Variants in SUPT3H observed in about 807,000 individuals in gnomAD.
The protein encoded by SUPT3H is SPT3 homolog, SAGA and STAGA complex component.
Under a neutral mutation model 44.3 loss-of-function variants are expected in SUPT3H, and 44 were observed. That is an observed-to-expected ratio of 0.99 (90% CI 0.78 to 1.28). The LOEUF (loss-of-function observed/expected upper bound fraction) is 1.28, where lower values mean the gene tolerates loss of function less well. Ranked by LOEUF, SUPT3H falls within the 50% of genes most tolerant of loss-of-function variation. The probability of loss-of-function intolerance (pLI) is 0.00; values close to 1 mark genes in which losing one functional copy is unlikely to be tolerated. For missense variants in SUPT3H, 380 were observed against 387.1 expected (o/e 0.98, Z 0.15); for synonymous variants, 124 against 125.6 (o/e 0.99, Z 0.09).
intron 2 of SUPT3H, among the ~76,000 whole-genome samples, chr6:45,315,341 GACAAC>G (rs1784522381): frequency 6.6e-6 from 1 of 152,054 alleles, no homozygotes; most frequent in African/African-American, 2.4e-5. Flanking sequence ...AAAGTAAACT[GACAAC>G]CCACAGAGTT....
chr6:45,058,702 G>C (rs1028795290), intron 3 of SUPT3H, among the ~76,000 whole-genome samples: 39 of 151,944 alleles, frequency 2.6e-4, no homozygotes, highest in African/African-American at 9.4e-4. Flanking sequence ...CCCTTTCCAG[G>C]TTCATTATGA....
chr6:44,946,981 C>T (rs558169505), intron 9 of SUPT3H, among the ~76,000 whole-genome samples: 16 of 152,280 alleles, frequency 1.1e-4, no homozygotes, highest in African/African-American at 2.9e-4. Flanking sequence ...CCCCAACCTT[C>T]GGCAACCACC....
At chr6:44,810,980 T>C (rs1295090317) in intron 11 of SUPT3H, among the ~76,000 whole-genome samples, 2 of 152,180 alleles carry the variant, frequency 1.3e-5, no homozygotes, top group Non-Finnish European at 2.9e-5. Flanking sequence ...AGTTCCCATA[T>C]ACCCAACACC....
At chr6:45,010,107 G>A (rs1422265467) in intron 5 of SUPT3H, among the ~76,000 whole-genome samples, 1 of 151,880 alleles carries the variant, frequency 6.6e-6, no homozygotes, top group African/African-American at 2.4e-5. Context: ...ATTGTAAATG[G>A]CATTGTTTTC....
intron 11 of SUPT3H, among the ~76,000 whole-genome samples, chr6:44,817,127 T>C (rs555114250): frequency 7.4e-5 from 8 of 108,188 alleles, no homozygotes; most frequent in Non-Finnish European, 1.3e-4. Context: ...CACACACACA[T>C]GCCCACACAC....
At chr6:45,204,264 A>AGAAGAAGGGGGAGGAGGAGGGGGAG (rs1562683367) in intron 2 of SUPT3H, among the ~76,000 whole-genome samples, 1 of 151,266 alleles carries the variant, frequency 6.6e-6, no homozygotes, top group African/African-American at 2.5e-5. Flanking sequence ...AAGAAGAAGA[A>AGAAGAAGGGGGAGGAGGAGGGGGAG]GAAGAAGAAG....
intron 3 of SUPT3H, among the ~76,000 whole-genome samples, chr6:45,071,707 C>CA (rs1402028699): frequency 2.0e-5 from 3 of 152,132 alleles, no homozygotes; most frequent in Non-Finnish European, 4.4e-5. Context: ...TGAGCCCTGA[C>CA]AAGCCATCTT....
chr6:45,299,757 A>C (rs1781853799), intron 2 of SUPT3H, among the ~76,000 whole-genome samples: 1 of 152,026 alleles, frequency 6.6e-6, no homozygotes, highest in Admixed American at 6.5e-5. Context: ...TCTGCCAAAA[A>C]AAAAAAAAAA....
At chr6:44,906,999 C>T (rs538018159) in intron 10 of SUPT3H, among the ~76,000 whole-genome samples, 6 of 152,168 alleles carry the variant, frequency 3.9e-5, no homozygotes, top group Non-Finnish European at 5.9e-5. Flanking sequence ...AAGTGATTAA[C>T]GTCATTGTTT....
At chr6:44,924,413 G>A (rs1257237689) in intron 10 of SUPT3H, among the ~76,000 whole-genome samples, 1 of 152,084 alleles carries the variant, frequency 6.6e-6, no homozygotes, top group East Asian at 1.9e-4. Flanking sequence ...TTTTAAGAGT[G>A]GATCTTCCTT....
intron 10 of SUPT3H, among the ~76,000 whole-genome samples, chr6:44,893,488 T>C: frequency 6.6e-6 from 1 of 152,204 alleles, no homozygotes; most frequent in East Asian, 1.9e-4. Context: ...TTTTTGTTCT[T>C]GCAATAGTTT....
At chr6:44,923,108 T>C (rs1452568594) in intron 10 of SUPT3H, among the ~76,000 whole-genome samples, 2 of 152,092 alleles carry the variant, frequency 1.3e-5, no homozygotes, top group Non-Finnish European at 2.9e-5. Flanking sequence ...CCCCTTTCCT[T>C]GCACTCATGA....
rs763609780 is a variant in SUPT3H at position 45,003,799 on chromosome 6, G to C, written c.365-7C>G. 16 of 1,612,710 alleles carry C rather than the reference G, an allele frequency of 9.9e-6. No homozygotes were observed. The highest frequency in any genetic ancestry group is 1.2e-5 in the Non-Finnish European group (14 of 1,179,558). On this transcript the variant is annotated splice_region_variant and splice_polypyrimidine_tract_variant and intron_variant, in intron 5 of 10. Transcript: ENST00000371459. ...TTGCTGCCACTCAATTTGTCTTCATGAAGTCAAGGGAAAGAAAAAAAGAAA... is the reference window on the plus strand; with the variant it reads ...TTGCTGCCACTCAATTTGTCTTCATCAAGTCAAGGGAAAGAAAAAAAGAAA...
intron 2 of SUPT3H, among the ~76,000 whole-genome samples, chr6:45,224,043 C>A: frequency 6.8e-6 from 1 of 146,820 alleles, no homozygotes; most frequent in Admixed American, 6.8e-5. Context: ...CATAATGTAC[C>A]AAAAACAAAT....
At chr6:45,169,181 G>A (rs942423101) in intron 2 of SUPT3H, among the ~76,000 whole-genome samples, 6 of 152,014 alleles carry the variant, frequency 3.9e-5, no homozygotes, top group Non-Finnish European at 5.9e-5. Flanking sequence ...TACAGATGAG[G>A]GAAAATATTA....
intron 2 of SUPT3H, among the ~76,000 whole-genome samples, chr6:45,207,473 G>A (rs12193030): frequency 0.24 from 35,916 of 152,088 alleles, 4,792 homozygotes; most frequent in Non-Finnish European, 0.31. Context: ...AGGAAGCAAG[G>A]TAATGGGATG....
Position 45,237,156 on chromosome 6 carries a change from G to A in SUPT3H, c.101+128045C>T, listed in dbSNP as rs552788444. On this transcript the variant is annotated intron_variant, in intron 2 of 10. Coordinates refer to ENST00000371459, the MANE Select transcript of SUPT3H (RefSeq NM_003599.4). ...AACAAGGCAAAGCAGCTTATTGGGT[G>A]AATCAAATTACTGATCAATGTCCTA... 3.3e-5 allele frequency among the ~76,000 whole-genome samples: 5 copies of A among 152,272 alleles called. No individual in the cohort carries two copies. In the South Asian group the frequency reaches 1.0e-3, roughly 32 times the overall value.
intron 3 of SUPT3H, among the ~76,000 whole-genome samples, chr6:45,053,365 G>A (rs1790608022): frequency 6.6e-6 from 1 of 151,926 alleles, no homozygotes; most frequent in Non-Finnish European, 1.5e-5. Context: ...TACCAAGTGT[G>A]GCTAACAGAA....
chr6:45,098,604 A>G, intron 3 of SUPT3H: 1 of 332,296 alleles, frequency 3.0e-6, no homozygotes, highest in South Asian at 3.0e-5. Context: ...TCCCCTTGCC[A>G]ATCAGAATAT....
Sources: allele counts gnomAD v4.1 joint callset (sites outside exome capture counted in the v4.1 genomes callset), GRCh38; gene constraint gnomAD v4.1.1; transcripts MANE v1.5; gene names NCBI Gene and HGNC (gene_info 2026-07-23, HGNC 2026-07-21).